Variants in SLC24A2 observed in about 807,000 individuals in gnomAD.
SLC24A2 encodes sodium/potassium/calcium exchanger 2.
Under a neutral mutation model 62.0 loss-of-function variants are expected in SLC24A2, and 36 were observed. The observed-to-expected ratio is 0.58, with a 90% CI of 0.44 to 0.77. The LOEUF is 0.77. Ranked by LOEUF, SLC24A2 falls within the 30% of genes least tolerant of loss-of-function variation. The pLI, the probability that SLC24A2 is intolerant of heterozygous loss-of-function variation, is 0.00. For missense variants in SLC24A2, 846 were observed against 817.9 expected (o/e 1.03, Z -0.42); for synonymous variants, 358 against 294.0 (o/e 1.22, Z -2.23).
At chr9:20,278,292 G>C in the SLC24A2 span, among the ~76,000 whole-genome samples, 2 of 151,784 alleles carry the variant, frequency 1.3e-5, no homozygotes, top group Non-Finnish European at 2.9e-5. Flanking sequence ...CACATATCAG[G>C]CTGCAAAATT....
chr9:19,709,051 AT>A (rs1564055155), intron 2 of SLC24A2, among the ~76,000 whole-genome samples: 2 of 152,178 alleles, frequency 1.3e-5, no homozygotes, highest in African/African-American at 2.4e-5. Context: ...ACTCAAACAA[AT>A]TTACAAGAAA....
chr9:20,130,134 C>G, the SLC24A2 span, among the ~76,000 whole-genome samples: 2 of 151,912 alleles, frequency 1.3e-5, no homozygotes, highest in Non-Finnish European at 2.9e-5. Context: ...ATAAGACTAG[C>G]TAATAATTGT....
At chr9:19,875,578 C>T in the SLC24A2 span, among the ~76,000 whole-genome samples, 1 of 152,116 alleles carries the variant, frequency 6.6e-6, no homozygotes, top group Non-Finnish European at 1.5e-5. Context: ...GTTTTCTTGG[C>T]AAAGAAACTT....
the SLC24A2 span, among the ~76,000 whole-genome samples, chr9:19,837,061 A>G: frequency 2.0e-5 from 3 of 152,200 alleles, no homozygotes; most frequent in South Asian, 6.2e-4. Context: ...AAAATTAGGT[A>G]TTGATGGGAC....
intron 2 of SLC24A2, among the ~76,000 whole-genome samples, chr9:19,630,975 A>AC (rs1372474106): frequency 6.6e-6 from 1 of 152,136 alleles, no homozygotes; most frequent in African/African-American, 2.4e-5. Context: ...GTTCGTTTCA[A>AC]GCACTGCCTG....
intron 7 of SLC24A2, among the ~76,000 whole-genome samples, chr9:19,562,935 T>G (rs1024249368): frequency 6.6e-6 from 1 of 152,050 alleles, no homozygotes; most frequent in African/African-American, 2.4e-5. Context: ...CAAGAACTAT[T>G]TCTACAAAAG....
chr9:20,239,381 G>A, the SLC24A2 span, among the ~76,000 whole-genome samples: 2 of 152,078 alleles, frequency 1.3e-5, no homozygotes, highest in Non-Finnish European at 2.9e-5. Flanking sequence ...ATTTTTACTT[G>A]CTAAATCTGG....
At chr9:19,925,005 G>C in the SLC24A2 span, among the ~76,000 whole-genome samples, 2 of 152,298 alleles carry the variant, frequency 1.3e-5, no homozygotes, top group Middle Eastern at 3.4e-3. Flanking sequence ...CCCCAGAGCA[G>C]TCAATGCATC....
chr9:19,892,029 G>C, the SLC24A2 span, among the ~76,000 whole-genome samples: 61,893 of 151,978 alleles, frequency 0.41, 13,152 homozygotes, highest in East Asian at 0.84. Context: ...TCTTCAGATT[G>C]AGTTCCCTCC....
At chr9:19,668,523 C>G (rs1707401658) in intron 2 of SLC24A2, among the ~76,000 whole-genome samples, 1 of 152,172 alleles carries the variant, frequency 6.6e-6, no homozygotes, top group Admixed American at 6.6e-5. Flanking sequence ...CCTTTAAGTT[C>G]TAGTTCAAAT....
chr9:19,527,735 G>A (rs1387021263), intron 9 of SLC24A2, among the ~76,000 whole-genome samples: 1 of 152,152 alleles, frequency 6.6e-6, no homozygotes, highest in Non-Finnish European at 1.5e-5. Flanking sequence ...CAGTACTACT[G>A]AACCAGGCAA....
chr9:20,181,179 T>G, the SLC24A2 span, among the ~76,000 whole-genome samples: 1 of 152,116 alleles, frequency 6.6e-6, no homozygotes, highest in Non-Finnish European at 1.5e-5. Flanking sequence ...CAAATCCTAG[T>G]TCTTACAATC....
At chr9:19,530,416 G>C (rs191751671) in intron 8 of SLC24A2, among the ~76,000 whole-genome samples, 29 of 152,218 alleles carry the variant, frequency 1.9e-4, no homozygotes, top group Admixed American at 1.8e-3. Flanking sequence ...AGATGTCCTA[G>C]GAGAGTCCTC....
the SLC24A2 span, among the ~76,000 whole-genome samples, chr9:19,865,497 A>T: frequency 6.6e-6 from 1 of 152,170 alleles, no homozygotes; most frequent in East Asian, 1.9e-4. Context: ...GTACTGGCAT[A>T]AAAACAGACA....
chr9:19,992,542 T>C, the SLC24A2 span, among the ~76,000 whole-genome samples: 1 of 152,242 alleles, frequency 6.6e-6, no homozygotes, highest in Non-Finnish European at 1.5e-5. Flanking sequence ...AAATAAACTG[T>C]TCATTAACTG....
the SLC24A2 span, among the ~76,000 whole-genome samples, chr9:20,032,576 G>A: frequency 5.3e-5 from 8 of 152,318 alleles, no homozygotes; most frequent in African/African-American, 1.9e-4. Flanking sequence ...GTAGATGACA[G>A]AGAAGTACGG....
At chr9:20,132,226 G>A in the SLC24A2 span, among the ~76,000 whole-genome samples, 5 of 151,914 alleles carry the variant, frequency 3.3e-5, no homozygotes, top group East Asian at 5.8e-4. Context: ...GGGCTTCACC[G>A]CGCAGAAGCA....
the SLC24A2 span, among the ~76,000 whole-genome samples, chr9:20,146,013 A>G: frequency 2.0e-5 from 3 of 152,188 alleles, no homozygotes; most frequent in South Asian, 2.1e-4. Context: ...AATAATTATA[A>G]TATCTTTTAT....
chr9:19,899,255 C>G, the SLC24A2 span, among the ~76,000 whole-genome samples: 8 of 152,176 alleles, frequency 5.3e-5, no homozygotes, highest in Non-Finnish European at 1.2e-4. Context: ...AAATTGCCCC[C>G]TTGGAAACTT....
Sources: gnomAD v4.1 joint callset for allele counts (sites outside exome capture counted in the v4.1 genomes callset) on GRCh38, gnomAD v4.1.1 for gene constraint, MANE v1.5 for transcripts, NCBI Gene and HGNC (gene_info 2026-07-23, HGNC 2026-07-21) for gene names.